GALNT17: variants seen among roughly 807,000 people sequenced by gnomAD.
GALNT17 encodes the protein UDP-GalNAc:polypeptide N-acetylgalactosaminyltransferase-like 3.
In GALNT17, 29 loss-of-function variants were observed where a neutral mutation model predicts 63.7. The ratio of observed to expected loss-of-function variants is 0.46; its 90% confidence interval spans 0.34 to 0.62. GALNT17 has a LOEUF of 0.62. GALNT17 is among the 20% of genes least tolerant of loss of function. GALNT17 has a pLI of 0.01. For missense variants in GALNT17, 603 were observed against 799.6 expected, an observed-to-expected ratio of 0.75 and a Z score of 2.97; for synonymous variants, 305 against 318.3, an observed-to-expected ratio of 0.96 and a Z score of 0.45.
intron 5 of GALNT17, among the ~76,000 whole-genome samples, chr7:71,511,064 C>G (rs1788347386): frequency 6.6e-6 from 1 of 152,106 alleles, no homozygotes; most frequent in African/African-American, 2.4e-5. Context: ...CACCTGTAGT[C>G]CCAGCTACTC....
intron 1 of GALNT17, among the ~76,000 whole-genome samples, chr7:71,319,646 A>G (rs1034941309): frequency 1.3e-5 from 2 of 152,144 alleles, no homozygotes; most frequent in Non-Finnish European, 2.9e-5. Context: ...GTATGTCCCA[A>G]CCAAACTCTT....
At chr7:71,570,938 A>G (rs919924586) in intron 5 of GALNT17, among the ~76,000 whole-genome samples, 1 of 152,136 alleles carries the variant, frequency 6.6e-6, no homozygotes, top group Admixed American at 6.5e-5. Context: ...AGATTGTATC[A>G]TTGCACTCCA....
intron 2 of GALNT17, among the ~76,000 whole-genome samples, chr7:71,387,249 T>C (rs1792962496): frequency 6.9e-6 from 1 of 145,802 alleles, no homozygotes; most frequent in Admixed American, 6.8e-5. Flanking sequence ...AAAGTACTTT[T>C]AATGGCATTA....
chr7:71,612,937 C>T (rs985761791), intron 6 of GALNT17, among the ~76,000 whole-genome samples: 1 of 152,124 alleles, frequency 6.6e-6, no homozygotes, highest in Non-Finnish European at 1.5e-5. Flanking sequence ...TCTGAGCCAG[C>T]CAAGATACCA....
intron 5 of GALNT17, among the ~76,000 whole-genome samples, chr7:71,498,389 A>T (rs747442190): frequency 1.1e-4 from 16 of 152,226 alleles, no homozygotes; most frequent in Non-Finnish European, 2.2e-4. Context: ...AGGTAGGAGA[A>T]TCACTTGAGC....
At chr7:71,360,039 C>A (rs1792369046) in intron 2 of GALNT17, among the ~76,000 whole-genome samples, 1 of 152,112 alleles carries the variant, frequency 6.6e-6, no homozygotes, top group Admixed American at 6.5e-5. Context: ...ACATTAAAAT[C>A]CCTTGAGGCT....
chr7:71,631,930 A>G (rs1790457938), intron 6 of GALNT17, among the ~76,000 whole-genome samples: 1 of 151,390 alleles, frequency 6.6e-6, no homozygotes, highest in African/African-American at 2.4e-5. Flanking sequence ...TTGTGTGTGT[A>G]GAGACAGGGG....
chr7:71,669,652 C>T (rs1192459409), intron 7 of GALNT17, among the ~76,000 whole-genome samples: 1 of 151,116 alleles, frequency 6.6e-6, no homozygotes, highest in East Asian at 2.0e-4. Context: ...ACCTCCACCT[C>T]CTGGGTTTAA....
chr7:71,575,193 A>G (rs1173622654), intron 6 of GALNT17, among the ~76,000 whole-genome samples: 1 of 152,146 alleles, frequency 6.6e-6, no homozygotes, highest in Non-Finnish European at 1.5e-5. Context: ...TGCATAATAA[A>G]TGCATTCTTA....
At chr7:71,481,822 C>T (rs11561753) in intron 5 of GALNT17, among the ~76,000 whole-genome samples, 110,966 of 151,826 alleles carry the variant, frequency 0.73, 42,641 homozygotes, top group Non-Finnish European at 0.87. Context: ...AAGTTTCATT[C>T]GTACTCCTGG....
At chr7:71,480,994 T>C (rs2116641932) in intron 5 of GALNT17, among the ~76,000 whole-genome samples, 1 of 152,322 alleles carries the variant, frequency 6.6e-6, no homozygotes, top group Non-Finnish European at 1.5e-5. Context: ...GTGACCATAA[T>C]AAGACAAACA....
intron 5 of GALNT17, among the ~76,000 whole-genome samples, chr7:71,482,150 AT>A (rs149578252): frequency 0.099 from 12,707 of 128,276 alleles, 947 homozygotes; most frequent in African/African-American, 0.22. Context: ...ACAAGGATAC[AT>A]TTTTTTTTTT....
At chr7:71,646,027 A>C (rs940974777) in intron 6 of GALNT17, among the ~76,000 whole-genome samples, 1 of 152,096 alleles carries the variant, frequency 6.6e-6, no homozygotes, top group African/African-American at 2.4e-5. Context: ...TGATGTGGCA[A>C]TATCTCCTCC....
chr7:71,470,439 T>G (rs773862802), intron 5 of GALNT17, among the ~76,000 whole-genome samples: 23 of 152,140 alleles, frequency 1.5e-4, no homozygotes, highest in Non-Finnish European at 2.5e-4. Context: ...TTGGCTTCGG[T>G]CATGCCTCTT....
intron 3 of GALNT17, among the ~76,000 whole-genome samples, chr7:71,398,360 T>C (rs1201962341): frequency 1.3e-5 from 2 of 152,160 alleles, no homozygotes; most frequent in African/African-American, 4.8e-5. Flanking sequence ...TTCAGTTTTT[T>C]TATTCTTCCC....
intron 1 of GALNT17, among the ~76,000 whole-genome samples, chr7:71,214,488 T>G (rs573433075): frequency 6.6e-6 from 1 of 152,300 alleles, no homozygotes; most frequent in South Asian, 2.1e-4. Flanking sequence ...AAGAATGTCA[T>G]GAGCCCCTTT....
At chr7:71,577,895 T>C (rs1207274703) in intron 6 of GALNT17, among the ~76,000 whole-genome samples, 1 of 152,060 alleles carries the variant, frequency 6.6e-6, no homozygotes, top group African/African-American at 2.4e-5. Context: ...CTGAAGGCAC[T>C]GAAGACCTGG....
intron 1 of GALNT17, among the ~76,000 whole-genome samples, chr7:71,294,983 G>A (rs1791051989): frequency 1.3e-5 from 2 of 152,124 alleles, no homozygotes; most frequent in Non-Finnish European, 2.9e-5. Flanking sequence ...TAATGTCTCT[G>A]TTTTCCTATG....
At chr7:71,418,602 G>A (rs146870694) in intron 4 of GALNT17, among the ~76,000 whole-genome samples, 93 of 152,248 alleles carry the variant, frequency 6.1e-4, no homozygotes, top group African/African-American at 2.1e-3. Flanking sequence ...ATGTGACACC[G>A]TCATTTTGCT....
Sources: gnomAD v4.1 joint callset for allele counts (sites outside exome capture counted in the v4.1 genomes callset) on GRCh38, gnomAD v4.1.1 for gene constraint, MANE v1.5 for transcripts, NCBI Gene and HGNC (gene_info 2026-07-23, HGNC 2026-07-21) for gene names.